DARS2: variants seen among roughly 807,000 people sequenced by gnomAD.
The protein encoded by DARS2 is aspartyl-tRNA synthetase 2, mitochondrial.
Under a neutral mutation model 83.0 loss-of-function variants are expected in DARS2, and 63 were observed. The observed-to-expected ratio is 0.76, with a 90% confidence interval of 0.62 to 0.94. The LOEUF (loss-of-function observed/expected upper bound fraction) is 0.94. DARS2 is among the 40% of genes least tolerant of loss of function. DARS2 has a pLI of 0.00. For synonymous variants in DARS2, 250 were observed against 269.3 expected, an observed-to-expected ratio of 0.93 and a Z score of 0.70; for missense variants, 675 against 774.4, an observed-to-expected ratio of 0.87 and a Z score of 1.52.
chr1:173,847,235 G>A (rs183432212), intron 12 of DARS2, among the ~76,000 whole-genome samples: 4 of 152,046 alleles, frequency 2.6e-5, no homozygotes, highest in Non-Finnish European at 5.9e-5. Flanking sequence ...TTTCTCTGTC[G>A]GCGGTGGGGA....
chr1:173,857,708 C>T lies in DARS2; in HGVS notation c.*3C>T. Reference sequence around the variant, plus strand: ...CCAAAGCAGAAAGAGCTCATTGAATCATGCATACCATGCAGAAAGTTGAGC... The same window carrying T: ...CCAAAGCAGAAAGAGCTCATTGAATTATGCATACCATGCAGAAAGTTGAGC... On this transcript the variant is annotated 3_prime_UTR_variant, in exon 17 of 17. Coordinates refer to ENST00000649689, the MANE Select transcript of DARS2 (RefSeq NM_018122.5). The T allele has an allele frequency of 1.2e-6, 2 of 1,614,082 alleles. No individual in the cohort carries two copies. The highest frequency in any genetic ancestry group is 1.7e-5 in the Admixed American group (1 of 60,026).
At chr1:173,848,401 T>A (rs1314743456) in intron 12 of DARS2, among the ~76,000 whole-genome samples, 3 of 152,262 alleles carry the variant, frequency 2.0e-5, no homozygotes, top group Admixed American at 6.5e-5. Flanking sequence ...TAAAACTTTC[T>A]GTAATGATGG....
Position 173,824,935 on chromosome 1 carries a change from CTCG to C in DARS2, c.-289_-287del. On this transcript the variant is annotated 5_prime_UTR_variant, in exon 1 of 17. Coordinates refer to ENST00000649689, the MANE Select transcript of DARS2 (RefSeq NM_018122.5). Reference sequence around the variant, plus strand: ...TGGCGCCGCTACGTGGAGTCGCTCTCTCGTCGTCACTTTTGGCTGCCGACTTGT... The same window carrying C: ...TGGCGCCGCTACGTGGAGTCGCTCTCTCGTCACTTTTGGCTGCCGACTTGT... The C allele has an allele frequency of 2.7e-6, 1 of 367,258 alleles. No homozygotes were observed. The highest frequency in any genetic ancestry group is 2.2e-5 in the South Asian group (1 of 45,936). The allele number at this position is 367,258 out of a possible 1,614,324, so 22.7% of individuals were successfully genotyped here. A position where few individuals can be genotyped will look rare whatever the true frequency, so the allele number is the denominator to read the frequency against.
chr1:173,833,335 T>C (rs771287992), intron 5 of DARS2, 41 bp from the exon 6 acceptor site: 2 of 1,497,760 alleles, frequency 1.3e-6, no homozygotes, highest in African/African-American at 1.4e-5. Context: ...CTTTCTAATA[T>C]TGAAAAATAT....
chr1:173,855,662 A>C (rs1413871608), intron 15 of DARS2, among the ~76,000 whole-genome samples: 1 of 127,598 alleles, frequency 7.8e-6, no homozygotes, highest in Non-Finnish European at 1.8e-5. Flanking sequence ...CACTAAGAAT[A>C]CATTACTTTT....
chr1:173,835,264 A>G (rs1367731713), intron 7 of DARS2, among the ~76,000 whole-genome samples: 7 of 149,484 alleles, frequency 4.7e-5, no homozygotes. Context: ...TAATTTTTGT[A>G]TTTTTTTAGT....
At position 173,850,364 on chromosome 1, in the gene DARS2, G is replaced by C; in HGVS notation, c.1229G>C (p.Trp410Ser). ...LPVFLNANRN[W>S]NSPVANFIME... is the part of the protein sequence containing the mutation. ...GTATTCCTTAACGCCAATAGAAACT[G>C]GAATTCTCCAGTTGCTAATTTCATA... is the stretch of plus-strand genomic sequence containing the variant. The change falls in exon 13 of 17, where the codon TGG (tryptophan) becomes TCG (serine). Residue 410 changes from tryptophan (W) to serine (S), a missense_variant. Trp to Ser is a radical substitution (Grantham distance 177). Transcript: ENST00000649689. 1 of 1,612,396 alleles carries C rather than the reference G, an allele frequency of 6.2e-7. No homozygotes were observed. Among genetic ancestry groups the C allele is most frequent in the Non-Finnish European group, 8.5e-7 (1 of 1,179,396 alleles).
intron 12 of DARS2, 42 bp from the exon 13 acceptor site, chr1:173,850,283 CAA>C (rs199872112): frequency 2.0e-3 from 2,759 of 1,350,614 alleles, no homozygotes; most frequent in Admixed American, 3.9e-3. Context: ...TCCCACTGTT[CAA>C]AAAAAAAAAA....
intron 1 of DARS2, among the ~76,000 whole-genome samples, chr1:173,825,775 C>T (rs1652501604): frequency 7.2e-6 from 1 of 139,454 alleles, no homozygotes; most frequent in Admixed American, 7.3e-5. Context: ...GGCTTTTCCC[C>T]TGTTCTTAAC....
At position 173,850,488 on chromosome 1, in the gene DARS2, A is replaced by G. The variant is rs1269016971; in HGVS notation, c.1344+9A>G. 6.2e-7 allele frequency: 1 copy of G among 1,613,234 alleles called. No individual in the cohort carries two copies. The highest frequency in any genetic ancestry group is 8.5e-7 in the Non-Finnish European group (1 of 1,179,516). On this transcript the variant is annotated intron_variant, in intron 13 of 16. Coordinates refer to ENST00000649689, the MANE Select transcript of DARS2 (RefSeq NM_018122.5). ...GAGAGCACAATAAAGCAGTAAGAAAAATTACTTCCAAGCATCAGTGCTGTT... is the reference window on the plus strand; with the variant it reads ...GAGAGCACAATAAAGCAGTAAGAAAGATTACTTCCAAGCATCAGTGCTGTT...
rs1245725107 is a variant in DARS2, at chr1:173,825,328, G to A, written c.99G>A (p.Leu33=). The change falls in exon 1 of 17, where the codon CTG becomes CTA. Residue 33 remains leucine, a synonymous_variant. Coordinates refer to ENST00000649689, the MANE Select transcript of DARS2 (RefSeq NM_018122.5). ...TCTGGGGTTCTCTCTACAGAAGTCT[G>A]TTGCAGAGTTCACAGAGGAGAATTC... ...QPIWGSLYRS[L]LQSSQRRIPE... 6.2e-7 allele frequency: 1 copy of A among 1,613,698 alleles called. No homozygotes were observed. Among genetic ancestry groups the A allele is most frequent in the South Asian group, 1.1e-5 (1 of 91,086 alleles).
intron 5 of DARS2, 132 bp from the exon 6 acceptor site, chr1:173,833,244 C>A: frequency 1.4e-6 from 1 of 705,472 alleles, no homozygotes; most frequent in Non-Finnish European, 2.3e-6. Flanking sequence ...GAATTAACAG[C>A]ATACAGTGGG....
rs60221533 is a variant in DARS2, at chr1:173,850,298, AC to A, written c.1192-28del. The A allele has an allele frequency of 6.3e-4, 985 of 1,574,760 alleles. 3 individuals carry two copies. In the African/African-American group the frequency reaches 0.012, roughly 19 times the overall value. ...TCCCACTGTTCAAAAAAAAAAAAAA[AC>A]GTGAATAAGTCTTTTTCTTTTACAC... On this transcript the variant is annotated intron_variant, in intron 12 of 16. Transcript: ENST00000649689.
At chr1:173,835,640 G>C (rs1652976823) in intron 7 of DARS2, among the ~76,000 whole-genome samples, 1 of 152,024 alleles carries the variant, frequency 6.6e-6, no homozygotes, top group Non-Finnish European at 1.5e-5. Flanking sequence ...AGGCACAGTG[G>C]CTCACACCTG....
At chr1:173,854,023 A>C in intron 15 of DARS2, 118 bp downstream of exon 15, 1 of 862,636 alleles carries the variant, frequency 1.2e-6, no homozygotes, top group Non-Finnish European at 1.9e-6. Context: ...TCACCCAGGC[A>C]GGTGTCTACT....
chr1:173,828,313 T>TTC lies in DARS2; in HGVS notation c.228-20_228-19insTC, dbSNP rs1553201264. 9.7e-6 allele frequency: 12 copies of TTC among 1,232,074 alleles called. No individual in the cohort carries two copies. The African/African-American group carries it at 1.5e-4, about 15-fold the overall frequency. 76.3% of individuals were successfully genotyped at this position (1,232,074 alleles called of 1,614,324 possible). A position where few individuals can be genotyped will look rare whatever the true frequency, so the allele number is the denominator to read the frequency against. On this transcript the variant is annotated intron_variant, in intron 2 of 16. Coordinates refer to ENST00000649689, the MANE Select transcript of DARS2 (RefSeq NM_018122.5). The stretch of plus-strand genomic sequence containing the variant: ...AGATTTTATCTTAAAATGTTTCTTT[T>TTC]CCCCCCCCCCATTAATCAGGCAAAA...
chr1:173,833,785 T>G (rs1035119931), intron 6 of DARS2, among the ~76,000 whole-genome samples: 3 of 151,912 alleles, frequency 2.0e-5, no homozygotes, highest in Non-Finnish European at 2.9e-5. Flanking sequence ...TTTTTTTTTT[T>G]GAGACGGAGT....
At chr1:173,831,502 A>G in intron 4 of DARS2, 33 bp from the exon 5 acceptor site, 1 of 1,472,386 alleles carries the variant, frequency 6.8e-7, no homozygotes, top group Non-Finnish European at 9.5e-7. Context: ...CCTGATGAGT[A>G]ATTTTTAAAA....
rs1653074233 is a variant in DARS2, at chr1:173,838,110, G to A, written c.771-80G>A. ...TTTAAGTATCATTGTTTTATAGCTT[G>A]CATTGCTTTAAACTTTTGGGGAAAA... On this transcript the variant is annotated intron_variant, in intron 8 of 16. Transcript: ENST00000649689. 3.6e-6 allele frequency: 4 copies of A among 1,099,412 alleles called. No individual in the cohort carries two copies. The South Asian group carries it at 5.1e-5, about 14-fold the overall frequency. 68.1% of individuals were successfully genotyped at this position (1,099,412 alleles called of 1,614,324 possible). A position where few individuals can be genotyped will look rare whatever the true frequency, so the allele number is the denominator to read the frequency against.
Sources: gnomAD v4.1 joint callset for allele counts (sites outside exome capture counted in the v4.1 genomes callset) on GRCh38, gnomAD v4.1.1 for gene constraint, MANE v1.5 for transcripts, NCBI Gene and HGNC (gene_info 2026-07-23, HGNC 2026-07-21) for gene names.